Variants in ZNF804A observed in about 807,000 individuals in gnomAD.
The protein encoded by ZNF804A is zinc finger protein 804A.
In ZNF804A, 2 loss-of-function variants were observed where a neutral mutation model predicts 16.5. The ratio of observed to expected loss-of-function variants is 0.12; its 90% CI spans 0.05 to 0.38. The LOEUF (loss-of-function observed/expected upper bound fraction) is 0.38, where lower values mean the gene tolerates loss of function less well. ZNF804A is among the 10% of genes least tolerant of loss of function. ZNF804A has a pLI of 0.99. For synonymous variants in ZNF804A, 534 were observed against 489.6 expected (o/e 1.09, Z -1.20); for missense variants, 1,473 against 1,390.7 (o/e 1.06, Z -0.94).
Position 184,599,017 on chromosome 2 carries a change from A to G in ZNF804A, c.58A>G (p.Asn20Asp). The G allele has an allele frequency of 6.2e-7, 1 of 1,614,126 alleles. No individual in the cohort carries two copies. Among genetic ancestry groups the G allele is most frequent in the Non-Finnish European group, 8.5e-7 (1 of 1,179,978 alleles). The part of the protein sequence containing the change: ...STHLSNGHFR[N>D]IKGVFRGPLS... ...GCATCTCAGCAACGGACACTTTCGC[A>G]ACATCAAGGGAGTTTTCCGGGGCCC... The change falls in exon 1 of 4, where the codon AAC becomes GAC. Residue 20 changes from asparagine (N) to aspartate (D), a missense_variant. By Grantham distance (23) the Asn-to-Asp change is conservative (BLOSUM62 1). Coordinates refer to ENST00000302277, the MANE Select transcript of ZNF804A (RefSeq NM_194250.2).
intron 1 of ZNF804A, among the ~76,000 whole-genome samples, chr2:184,722,148 A>G (rs1331328535): frequency 1.3e-5 from 2 of 152,050 alleles, no homozygotes; most frequent in Non-Finnish European, 2.9e-5. Context: ...ACGTAAAAAA[A>G]GCTTATGTAA....
chr2:184,849,405 A>G (rs1464158657), intron 1 of ZNF804A, among the ~76,000 whole-genome samples: 1 of 152,038 alleles, frequency 6.6e-6, no homozygotes, highest in Admixed American at 6.6e-5. Flanking sequence ...GGAAAAATGG[A>G]TATCTATATG....
At chr2:184,729,320 A>AT (rs954385918) in intron 1 of ZNF804A, among the ~76,000 whole-genome samples, 5 of 151,344 alleles carry the variant, frequency 3.3e-5, no homozygotes, top group South Asian at 2.1e-4. Flanking sequence ...AATTAAAATA[A>AT]TTTTTTTTTA....
intron 1 of ZNF804A, among the ~76,000 whole-genome samples, chr2:184,811,203 G>T (rs1376452210): frequency 6.6e-6 from 1 of 152,106 alleles, no homozygotes; most frequent in Admixed American, 6.6e-5. Context: ...AGCCCATCAG[G>T]TATATAGCAT....
intron 1 of ZNF804A, among the ~76,000 whole-genome samples, chr2:184,624,170 T>A (rs913035088): frequency 2.6e-5 from 4 of 152,148 alleles, no homozygotes; most frequent in Non-Finnish European, 5.9e-5. Flanking sequence ...CAGATATTCT[T>A]TCATGTAATG....
chr2:184,756,857 CT>C (rs1231454082), intron 1 of ZNF804A, among the ~76,000 whole-genome samples: 6 of 151,926 alleles, frequency 3.9e-5, no homozygotes, highest in Non-Finnish European at 8.8e-5. Flanking sequence ...TGTTTCCCTG[CT>C]TTTATAACTG....
rs548719879 is a variant in ZNF804A at position 184,870,046 on chromosome 2, A to G, written c.255+3534A>G. Among the ~76,000 whole-genome samples the G allele has an allele frequency of 7.9e-5, 12 of 152,106 alleles. No homozygotes were observed. In the South Asian group the frequency reaches 1.9e-3, roughly 24 times the overall value. On this transcript the variant is annotated intron_variant, in intron 2 of 3. Coordinates refer to ENST00000302277, the MANE Select transcript of ZNF804A (RefSeq NM_194250.2). The stretch of plus-strand genomic sequence containing the variant: ...GTAACTCAAAAGATGTTCGATTGTA[A>G]CAATTTTAGGGCAGGGACTCTTTCT...
At chr2:184,634,967 A>C (rs992791337) in intron 1 of ZNF804A, among the ~76,000 whole-genome samples, 8 of 116,660 alleles carry the variant, frequency 6.9e-5, no homozygotes, top group South Asian at 2.4e-4. Context: ...TATTTTTTTA[A>C]AAAAATAAAA....
At chr2:184,669,522 A>C (rs1692308829) in intron 1 of ZNF804A, among the ~76,000 whole-genome samples, 1 of 152,064 alleles carries the variant, frequency 6.6e-6, no homozygotes, top group Admixed American at 6.6e-5. Flanking sequence ...AATTTCTAAA[A>C]ATTATTGATC....
At chr2:184,930,511 A>G (rs1286099920) in intron 2 of ZNF804A, among the ~76,000 whole-genome samples, 1 of 152,180 alleles carries the variant, frequency 6.6e-6, no homozygotes, top group Non-Finnish European at 1.5e-5. Flanking sequence ...TACACATACA[A>G]GGACACTTTC....
intron 1 of ZNF804A, among the ~76,000 whole-genome samples, chr2:184,697,249 G>A (rs1692846411): frequency 6.6e-6 from 1 of 152,032 alleles, no homozygotes; most frequent in African/African-American, 2.4e-5. Flanking sequence ...TGGGATTTGT[G>A]AAGGGAATAA....
chr2:184,846,949 A>G (rs1695526074), intron 1 of ZNF804A, among the ~76,000 whole-genome samples: 2 of 152,082 alleles, frequency 1.3e-5, no homozygotes, highest in African/African-American at 4.8e-5. Context: ...TTGTACATGA[A>G]CAGATTCTAA....
chr2:184,859,966 G>T (rs1336106510), intron 1 of ZNF804A, among the ~76,000 whole-genome samples: 1 of 152,210 alleles, frequency 6.6e-6, no homozygotes, highest in Non-Finnish European at 1.5e-5. Context: ...CACTAGGAAG[G>T]GTTTGGCATT....
intron 1 of ZNF804A, among the ~76,000 whole-genome samples, chr2:184,708,277 C>G (rs1314822548): frequency 6.6e-6 from 1 of 151,972 alleles, no homozygotes; most frequent in Non-Finnish European, 1.5e-5. Flanking sequence ...TTAGGTCCCG[C>G]TTGTCAATTT....
chr2:184,676,930 TA>T (rs550385672), intron 1 of ZNF804A, among the ~76,000 whole-genome samples: 40 of 151,956 alleles, frequency 2.6e-4, no homozygotes, highest in Admixed American at 3.3e-4. Flanking sequence ...TAAATTTTAT[TA>T]AAAAAATATT....
chr2:184,687,545 A>G (rs1358542181), intron 1 of ZNF804A, among the ~76,000 whole-genome samples: 2 of 152,342 alleles, frequency 1.3e-5, no homozygotes, highest in African/African-American at 2.4e-5. Context: ...CACAAGGACT[A>G]AAATTCACTA....
intron 1 of ZNF804A, among the ~76,000 whole-genome samples, chr2:184,778,069 A>T (rs1474121603): frequency 1.3e-5 from 2 of 151,726 alleles, no homozygotes; most frequent in South Asian, 4.1e-4. Context: ...CTACATTGGA[A>T]TAAAAATATG....
At position 184,937,065 on chromosome 2, in the gene ZNF804A, G is replaced by A; in HGVS notation, c.1669G>A (p.Glu557Lys). 6.2e-7 allele frequency: 1 copy of A among 1,603,034 alleles called. No individual in the cohort carries two copies. The highest frequency in any genetic ancestry group is 1.7e-4 in the Middle Eastern group (1 of 5,982). ...RYKNISCKIR[E>K]TEKYNFTKSQ... ...TAAAAACATTTCCTGTAAGATCAGA[G>A]AAACAGAAAAGTATAATTTTACTAA... The change falls in exon 4 of 4, where the codon GAA (glutamate) becomes AAA (lysine). Residue 557 changes from glutamate (E) to lysine (K), a missense_variant. Transcript: ENST00000302277.
chr2:184,770,369 T>G (rs1243552585), intron 1 of ZNF804A, among the ~76,000 whole-genome samples: 1 of 152,088 alleles, frequency 6.6e-6, no homozygotes, highest in Non-Finnish European at 1.5e-5. Flanking sequence ...TAGAATGTGT[T>G]ATAACGTTTT....
Sources: allele counts gnomAD v4.1 joint callset (sites outside exome capture counted in the v4.1 genomes callset), GRCh38; gene constraint gnomAD v4.1.1; transcripts MANE v1.5; gene names NCBI Gene and HGNC (gene_info 2026-07-23, HGNC 2026-07-21).